FAM81A: variants seen among roughly 807,000 people sequenced by gnomAD.
FAM81A encodes the protein protein FAM81A.
In FAM81A, 19 loss-of-function variants were observed where a neutral mutation model predicts 46.7. The ratio of observed to expected loss-of-function variants is 0.41; its 90% confidence interval spans 0.28 to 0.60. The LOEUF (loss-of-function observed/expected upper bound fraction) is 0.60, where lower values mean the gene tolerates loss of function less well. Among genes scored for constraint, FAM81A ranks in the 20% least tolerant of loss-of-function variants. The pLI is 0.34. For synonymous variants in FAM81A, 183 were observed against 152.9 expected (o/e 1.20, Z -1.45); for missense variants, 377 against 453.5 (o/e 0.83, Z 1.53).
At chr15:59,507,607 C>G (rs1472871124) in intron 5 of FAM81A, among the ~76,000 whole-genome samples, 2 of 152,118 alleles carry the variant, frequency 1.3e-5, no homozygotes, top group South Asian at 4.1e-4. Flanking sequence ...CTAATACATT[C>G]CAGAAATTCT....
intron 3 of FAM81A, among the ~76,000 whole-genome samples, chr15:59,482,968 G>C (rs1444785547): frequency 2.0e-5 from 3 of 152,070 alleles, no homozygotes; most frequent in African/African-American, 7.2e-5. Context: ...TCTTCATAGA[G>C]CAGGTTCATT....
At chr15:59,406,654 A>G (rs575668936) in intron 2 of FAM81A, among the ~76,000 whole-genome samples, 1 of 152,242 alleles carries the variant, frequency 6.6e-6, no homozygotes, top group South Asian at 2.1e-4. Context: ...TTTTCGGTTC[A>G]TACCCACTCC....
At chr15:59,456,289 G>A (rs4775167) in intron 1 of FAM81A, among the ~76,000 whole-genome samples, 118,725 of 151,150 alleles carry the variant, frequency 0.79, 46,935 homozygotes, top group African/African-American at 0.87. Flanking sequence ...TGGGGTGGCG[G>A]GGGCGGGGGT....
chr15:59,489,107 T>C (rs2081952978), intron 3 of FAM81A, among the ~76,000 whole-genome samples: 1 of 151,800 alleles, frequency 6.6e-6, no homozygotes, highest in Admixed American at 6.6e-5. Flanking sequence ...CTACTAAAAA[T>C]ACAAAAAATT....
intron 4 of FAM81A, 81 bp from the exon 5 acceptor site, chr15:59,507,132 G>A (rs117452027): frequency 0.045 from 66,793 of 1,493,974 alleles, 2,138 homozygotes; most frequent in South Asian, 0.14. Context: ...AGTGGGTTTT[G>A]CATTTCAGAG....
chr15:59,447,690 T>C (rs1195080547), intron 1 of FAM81A, among the ~76,000 whole-genome samples: 2 of 152,184 alleles, frequency 1.3e-5, no homozygotes, highest in East Asian at 1.9e-4. Flanking sequence ...TCTTCCTCCT[T>C]CTTTTACCAA....
chr15:59,464,980 TTATTTTTG>T (rs2081595012), intron 3 of FAM81A, among the ~76,000 whole-genome samples: 1 of 152,210 alleles, frequency 6.6e-6, no homozygotes, highest in South Asian at 2.1e-4. Context: ...CATTTGGAGT[TTATTTTTG>T]TATTGGGTGA....
Position 59,462,908 on chromosome 15 carries a change from A to G in FAM81A, c.294+2702A>G, listed in dbSNP as rs76993991. Among the ~76,000 whole-genome samples the G allele has an allele frequency of 2.2e-4, 34 of 152,314 alleles. No homozygotes were observed. In the East Asian group the frequency reaches 3.9e-3, roughly 17 times the overall value. Reference sequence around the variant, plus strand: ...TTATGAAAGTTTTTATGTAGTTTAGATACAAGTCCCTTATCAGATATGTGA... The same window carrying G: ...TTATGAAAGTTTTTATGTAGTTTAGGTACAAGTCCCTTATCAGATATGTGA... On this transcript the variant is annotated intron_variant, in intron 3 of 8. Transcript: ENST00000288228.
chr15:59,506,180 C>T (rs1472989588), intron 4 of FAM81A, among the ~76,000 whole-genome samples: 4 of 151,892 alleles, frequency 2.6e-5, no homozygotes, highest in Admixed American at 1.3e-4. Context: ...TTTGTATTAT[C>T]GTTTTATCTT....
At chr15:59,409,732 T>G (rs2081112415) in intron 2 of FAM81A, among the ~76,000 whole-genome samples, 1 of 152,230 alleles carries the variant, frequency 6.6e-6, no homozygotes, top group African/African-American at 2.4e-5. Context: ...TTATTAACCA[T>G]GCACTATATG....
In FAM81A at chr15:59,503,861, C is replaced by T. The variant is rs181515481; in HGVS notation, c.414-3352C>T. On this transcript the variant is annotated intron_variant, in intron 4 of 8. Transcript: ENST00000288228. The stretch of plus-strand genomic sequence containing the variant: ...GTGCTGGGATTACAGGTGTGAGCCA[C>T]TGTGCCCAGCCCTAGCCACTGTTGT... Among the ~76,000 whole-genome samples the T allele has an allele frequency of 1.9e-3, 283 of 152,338 alleles. 1 individual carries two copies. Among genetic ancestry groups the T allele is most frequent in the Non-Finnish European group, 1.4e-3 (92 of 68,032 alleles).
At chr15:59,458,764 C>G in intron 2 of FAM81A, 118 bp downstream of exon 2, 2 of 895,642 alleles carry the variant, frequency 2.2e-6, no homozygotes, top group Non-Finnish European at 3.7e-6. Flanking sequence ...AAGAGAAACA[C>G]TATTGTGTCC....
intron 3 of FAM81A, among the ~76,000 whole-genome samples, chr15:59,489,120 C>A (rs1366366028): frequency 1.3e-5 from 2 of 152,004 alleles, no homozygotes; most frequent in Non-Finnish European, 2.9e-5. Flanking sequence ...AAAAAATTAG[C>A]CGGGCATAGT....
intron 3 of FAM81A, among the ~76,000 whole-genome samples, chr15:59,484,865 G>T (rs1290416086): frequency 6.6e-6 from 1 of 152,138 alleles, no homozygotes; most frequent in Non-Finnish European, 1.5e-5. Context: ...TGGATCTCTA[G>T]ATGTACCCTG....
chr15:59,469,907 C>G (rs576665404), intron 3 of FAM81A, among the ~76,000 whole-genome samples: 5 of 152,190 alleles, frequency 3.3e-5, no homozygotes, highest in African/African-American at 9.6e-5. Flanking sequence ...GTAAGGCAGA[C>G]CTGGTGGTGA....
At chr15:59,402,732 T>G (rs2081077235) in intron 2 of FAM81A, among the ~76,000 whole-genome samples, 2 of 150,936 alleles carry the variant, frequency 1.3e-5, no homozygotes, top group Admixed American at 1.3e-4. Flanking sequence ...GGGGGGATAT[T>G]TAGTAGAGAT....
intron 3 of FAM81A, among the ~76,000 whole-genome samples, chr15:59,476,063 G>A (rs560135067): frequency 2.0e-5 from 3 of 152,254 alleles, no homozygotes; most frequent in East Asian, 3.9e-4. Context: ...GTAGATGGTC[G>A]TCTTTTCGTA....
At chr15:59,441,949 C>T (rs1416431134) in intron 1 of FAM81A, among the ~76,000 whole-genome samples, 1 of 152,248 alleles carries the variant, frequency 6.6e-6, no homozygotes, top group African/African-American at 2.4e-5. Flanking sequence ...CCCTCGCCCA[C>T]TTGTACTACT....
intron 7 of FAM81A, among the ~76,000 whole-genome samples, chr15:59,516,228 T>A (rs2082265252): frequency 6.6e-6 from 1 of 151,058 alleles, no homozygotes; most frequent in South Asian, 2.1e-4. Flanking sequence ...CCTGTTCAAG[T>A]GATTCTCCTG....
Sources: gnomAD v4.1 joint callset for allele counts (sites outside exome capture counted in the v4.1 genomes callset) on GRCh38, gnomAD v4.1.1 for gene constraint, MANE v1.5 for transcripts, NCBI Gene and HGNC (gene_info 2026-07-23, HGNC 2026-07-21) for gene names.